The following MACF1 variants were observed in gnomAD, a reference collection of about 807,000 sequenced individuals.
MACF1 encodes the protein microtubule actin crosslinking factor 1.
A neutral mutation model predicts 854.8 loss-of-function variants in MACF1; 193 were observed. That is an observed-to-expected ratio of 0.23 (90% CI 0.20 to 0.25). MACF1 has a LOEUF of 0.25. Among genes scored for constraint, MACF1 ranks in the 10% least tolerant of loss-of-function variants. The pLI, the probability that MACF1 is intolerant of heterozygous loss-of-function variation, is 1.00. For missense variants in MACF1, 7,722 were observed against 8,929.1 expected (o/e 0.86, Z 5.45); for synonymous variants, 3,185 against 3,226.7 (o/e 0.99, Z 0.44).
chr1:39,213,430 C>G (rs1413993440), intron 1 of MACF1, among the ~76,000 whole-genome samples: 3 of 152,180 alleles, frequency 2.0e-5, no homozygotes, highest in Non-Finnish European at 4.4e-5. Flanking sequence ...CTCCCGGGTT[C>G]AAGCAGTTCT....
intron 3 of MACF1, among the ~76,000 whole-genome samples, chr1:39,251,606 C>G (rs1263618560): frequency 6.6e-6 from 1 of 152,130 alleles, no homozygotes; most frequent in Non-Finnish European, 1.5e-5. Flanking sequence ...CCATAGTTGA[C>G]TTAGAAAAGC....
chr1:39,172,976 T>G (rs1643971990), intron 2 of MACF1, among the ~76,000 whole-genome samples: 1 of 152,162 alleles, frequency 6.6e-6, no homozygotes, highest in Admixed American at 6.5e-5. Flanking sequence ...TCTCTCTACC[T>G]TGCTAGGAAA....
rs371560140 is a variant in MACF1 at position 39,388,498 on chromosome 1, G to A, written c.15656G>A (p.Arg5219His). 39 of 1,614,040 alleles carry A rather than the reference G, an allele frequency of 2.4e-5. No individual in the cohort carries two copies. Among genetic ancestry groups the A allele is most frequent in the Non-Finnish European group, 3.1e-5 (37 of 1,180,044 alleles). The change falls in exon 58 of 101, where the codon CGT becomes CAT. Residue 5219 changes from arginine to histidine, a missense_variant. Arg to His is a conservative substitution (Grantham distance 29, BLOSUM62 0). Around this residue, in one of 15 missense-constraint regions of MACF1, gnomAD observed 2,807 missense variants for 3,235.8 expected, o/e 0.87. Transcript: ENST00000564288. ...CGKLTERGKA[R>H]QEQLELTLGR... Reference sequence around the variant, plus strand: ...AAACTGACAGAGAGGGGGAAAGCTCGTCAGGAACAGCTGGAACTGACACTA... The same window carrying A: ...AAACTGACAGAGAGGGGGAAAGCTCATCAGGAACAGCTGGAACTGACACTA...
chr1:39,436,695 T>C (rs6663884), intron 70 of MACF1, among the ~76,000 whole-genome samples: 110 of 152,296 alleles, frequency 7.2e-4, no homozygotes, highest in African/African-American at 2.5e-3. Context: ...GTTTTTTCTA[T>C]AGGACACTTG....
chr1:39,152,088 C>T (rs1450327129), intron 2 of MACF1, among the ~76,000 whole-genome samples: 1 of 152,090 alleles, frequency 6.6e-6, no homozygotes, highest in Non-Finnish European at 1.5e-5. Context: ...GATTCTCCTG[C>T]CTCAGCCTCC....
chr1:39,367,532 G>A (rs900675548), intron 49 of MACF1, among the ~76,000 whole-genome samples: 5 of 152,068 alleles, frequency 3.3e-5, no homozygotes, highest in African/African-American at 7.2e-5. Flanking sequence ...TAATAGTGGA[G>A]ATAGTGTGTT....
Position 39,332,317 on chromosome 1 carries a change from A to C in MACF1, c.5729A>C (p.Asp1910Ala), listed in dbSNP as rs148284579. 115 of 1,613,914 alleles carry C rather than the reference A, an allele frequency of 7.1e-5. No individual in the cohort carries two copies. The highest frequency in any genetic ancestry group is 9.4e-5 in the Non-Finnish European group (111 of 1,180,048). The stretch of plus-strand genomic sequence containing the variant: ...AAAGCAATAGAAAGTGGTATCCTGG[A>C]TAGAGATCTTGCCAATAACTTAAAA... The part of the protein sequence containing the change: ...WKKAIESGIL[D>A]RDLANNLKSI... The change falls in exon 37 of 101, where the codon GAT (aspartate) becomes GCT (alanine). Residue 1910 changes from aspartate (D) to alanine (A), a missense_variant. Physicochemically the swap from Asp to Ala is moderately radical, Grantham distance 126. This residue lies in a region of MACF1 where 1,531 missense variants were observed against 1,601.6 expected (regional missense o/e 0.96). Transcript: ENST00000564288.
Position 39,406,691 on chromosome 1 carries a change from C to T in MACF1, c.15817-15683C>T, listed in dbSNP as rs548984889. 4.4e-4 allele frequency among the ~76,000 whole-genome samples: 63 copies of T among 142,914 alleles called. 1 individual carries two copies. In the Middle Eastern group the frequency reaches 0.022, roughly 50 times the overall value. 93.8% of individuals were successfully genotyped at this position (142,914 alleles called of 152,430 possible). A position where few individuals can be genotyped will look rare whatever the true frequency, so the allele number is the denominator to read the frequency against. On this transcript the variant is annotated intron_variant, in intron 58 of 100. Transcript: ENST00000564288. ...CAAAGATTGCAGTGAGCCAAGATTG[C>T]GCCACTGCACTCCAGTCTAGGCGAC...
chr1:39,331,112 C>A (rs1027710689), intron 36 of MACF1, 91 bp from the exon 37 acceptor site: 36 of 1,433,126 alleles, frequency 2.5e-5, no homozygotes, highest in Admixed American at 2.9e-5. Context: ...TTGAATGACT[C>A]CTTTCAATAG....
chr1:39,428,266 C>T lies in MACF1; in HGVS notation c.16782C>T (p.His5594=). ...AGGATTTCAAACAGGATGTCCTGCA[C>T]AGGCAGCATGCTGACCACCTGGTAT... ...FVKDFKQDVL[H]RQHADHLALN... Residue 5594 remains histidine, a synonymous_variant, in exon 63 of 101, where the codon CAC becomes CAT. Transcript: ENST00000564288. 1 of 1,612,008 alleles carries T rather than the reference C, an allele frequency of 6.2e-7. No homozygotes were observed. Among genetic ancestry groups the T allele is most frequent in the Non-Finnish European group, 8.5e-7 (1 of 1,178,970 alleles).
At chr1:39,138,193 T>C (rs1278908249) in intron 2 of MACF1, among the ~76,000 whole-genome samples, 2 of 151,964 alleles carry the variant, frequency 1.3e-5, no homozygotes, top group East Asian at 3.8e-4. Flanking sequence ...GTTGAAATAC[T>C]TTCTTGTACA....
intron 2 of MACF1, among the ~76,000 whole-genome samples, chr1:39,140,698 C>T (rs1643318179): frequency 6.6e-6 from 1 of 151,938 alleles, no homozygotes; most frequent in Admixed American, 6.6e-5. Flanking sequence ...AGGCGGATCA[C>T]GAGGTCAGGA....
intron 71 of MACF1, among the ~76,000 whole-genome samples, chr1:39,438,846 G>A (rs1644038539): frequency 6.6e-6 from 1 of 151,880 alleles, no homozygotes; most frequent in Admixed American, 6.6e-5. Flanking sequence ...ACTTTGGGAG[G>A]CCGAGGCGGG....
chr1:39,393,934 G>T (rs990474686), intron 58 of MACF1, among the ~76,000 whole-genome samples: 1 of 152,124 alleles, frequency 6.6e-6, no homozygotes, highest in Non-Finnish European at 1.5e-5. Flanking sequence ...AAGAACGAAC[G>T]AACGAACAAT....
chr1:39,448,522 C>CA (rs1259645253), intron 83 of MACF1, 72 bp from the exon 84 acceptor site: 1 of 1,317,296 alleles, frequency 7.6e-7, no homozygotes, highest in East Asian at 2.4e-5. Flanking sequence ...CCTGAAAACT[C>CA]AAATTCTTTT....
At position 39,437,842 on chromosome 1, in the gene MACF1, A is replaced by T; in HGVS notation, c.18054A>T (p.Pro6018=). ...LENLSSRLRM[P]PLIPAEVDKI... is the part of the protein sequence containing the mutation. ...ATCTTTCCTCTCGCCTGCGTATGCC[A>T]CCACTGATCCCTGCTGAAGTAGACA... Residue 6018 remains proline, a synonymous_variant, in exon 71 of 101, where the codon CCA becomes CCT. Coordinates refer to ENST00000564288, the MANE Select transcript of MACF1 (RefSeq NM_001394062.1). 6.2e-7 allele frequency: 1 copy of T among 1,614,120 alleles called. No individual in the cohort carries two copies. The highest frequency in any genetic ancestry group is 8.5e-7 in the Non-Finnish European group (1 of 1,180,000).
intron 2 of MACF1, among the ~76,000 whole-genome samples, chr1:39,175,775 A>T (rs1644014690): frequency 6.6e-6 from 1 of 151,522 alleles, no homozygotes; most frequent in East Asian, 1.9e-4. Context: ...CAACGTGGTG[A>T]AAGCCTCTCT....
intron 6 of MACF1, among the ~76,000 whole-genome samples, chr1:39,274,616 C>T (rs946561071): frequency 2.0e-5 from 3 of 152,146 alleles, no homozygotes; most frequent in Admixed American, 6.5e-5. Context: ...TCAGTATCTG[C>T]GGATTTTGGT....
chr1:39,274,444 C>T (rs957667727), intron 6 of MACF1, among the ~76,000 whole-genome samples: 1 of 152,014 alleles, frequency 6.6e-6, no homozygotes, highest in Non-Finnish European at 1.5e-5. Flanking sequence ...CATGTACAGA[C>T]TTCATTATTC....
Sources: gnomAD v4.1 joint callset for allele counts (sites outside exome capture counted in the v4.1 genomes callset) on GRCh38, gnomAD v4.1.1 for gene constraint, gnomAD v4.1.1 regional missense constraint, MANE v1.5 for transcripts, NCBI Gene and HGNC (gene_info 2026-07-23, HGNC 2026-07-21) for gene names.